Variants in GRIN2B observed in about 807,000 individuals in gnomAD.
The protein encoded by GRIN2B is glutamate receptor ionotropic, NMDA 2B.
In GRIN2B, 5 loss-of-function variants were observed where a neutral mutation model predicts 114.5. The observed-to-expected ratio is 0.04, with a 90% confidence interval of 0.02 to 0.09. GRIN2B has a LOEUF of 0.09. Ranked by LOEUF, GRIN2B falls within the 10% of genes least tolerant of loss-of-function variation. GRIN2B has a pLI of 1.00. For missense variants in GRIN2B, 1,108 were observed against 1,943.5 expected, an observed-to-expected ratio of 0.57 and a Z score of 8.08; for synonymous variants, 787 against 745.1, an observed-to-expected ratio of 1.06 and a Z score of -0.92.
intron 5 of GRIN2B, among the ~76,000 whole-genome samples, chr12:13,652,741 G>A (rs533232932): frequency 1.3e-5 from 2 of 152,218 alleles, no homozygotes; most frequent in African/African-American, 4.8e-5. Flanking sequence ...GAGAGTCAAA[G>A]GTCTGTCTCT....
In GRIN2B at chr12:13,588,737, G is replaced by A. The variant is rs752880581; in HGVS notation, c.2011-16773C>T. ...TAAAATAAAGAGCCTGTCACTGGAC[G>A]CTAAAGAGCAATATGTGGAATGGAT... On this transcript the variant is annotated intron_variant, in intron 10 of 13. Coordinates refer to ENST00000609686, the MANE Select transcript of GRIN2B (RefSeq NM_000834.5). Among the ~76,000 whole-genome samples the A allele has an allele frequency of 5.3e-5, 8 of 152,108 alleles. No individual in the cohort carries two copies. The East Asian group carries it at 5.8e-4, about 11-fold the overall frequency.
At chr12:13,856,804 A>C (rs1865668731) in intron 3 of GRIN2B, among the ~76,000 whole-genome samples, 1 of 152,002 alleles carries the variant, frequency 6.6e-6, no homozygotes, top group Non-Finnish European at 1.5e-5. Context: ...ATCCACTCTC[A>C]TGGTTTCAGC....
chr12:13,927,808 A>T (rs1030416414), intron 2 of GRIN2B, among the ~76,000 whole-genome samples: 1 of 145,996 alleles, frequency 6.8e-6, no homozygotes, highest in Non-Finnish European at 1.5e-5. Flanking sequence ...AATAAAAATT[A>T]AAAAAAAAAT....
Position 13,548,102 on chromosome 12 carries a change from A to G in GRIN2B, c.*14681T>C, listed in dbSNP as rs1948369065. ...AAATCAAAACCATCAGAGGAATTAC[A>G]TTCCACCCCTAGGCTCAGTGGGAAA... is the stretch of plus-strand genomic sequence containing the variant. On this transcript the variant is annotated 3_prime_UTR_variant, in exon 14 of 14. Transcript: ENST00000609686. The G allele has an allele frequency of 1.3e-5, 2 of 151,056 alleles. No individual in the cohort carries two copies. Among genetic ancestry groups the G allele is most frequent in the African/African-American group, 4.9e-5 (2 of 41,116 alleles). 9.4% of individuals were successfully genotyped at this position (151,056 alleles called of 1,614,324 possible).
At chr12:13,871,987 C>A (rs1419530976) in intron 2 of GRIN2B, among the ~76,000 whole-genome samples, 1 of 152,034 alleles carries the variant, frequency 6.6e-6, no homozygotes, top group African/African-American at 2.4e-5. Flanking sequence ...CCCAATCATC[C>A]CACCAGCCCA....
In GRIN2B at chr12:13,616,804, T is replaced by C. The variant is rs903562865; in HGVS notation, c.1126-147A>G. The C allele has an allele frequency of 8.4e-6, 6 of 712,252 alleles. No individual in the cohort carries two copies. In the East Asian group the frequency reaches 1.6e-4, roughly 19 times the overall value. The allele number at this position is 712,252 out of a possible 1,614,324, so 44.1% of individuals were successfully genotyped here. Reference sequence around the variant, plus strand: ...GTACATACTAGAGATAGGAATACTTTTTAAATCATGTGCCCCAAATGAGAC... The same window carrying C: ...GTACATACTAGAGATAGGAATACTTCTTAAATCATGTGCCCCAAATGAGAC... On this transcript the variant is annotated intron_variant, in intron 5 of 13. Coordinates refer to ENST00000609686, the MANE Select transcript of GRIN2B (RefSeq NM_000834.5).
chr12:13,676,631 G>T (rs1950077083), intron 4 of GRIN2B, among the ~76,000 whole-genome samples: 1 of 152,152 alleles, frequency 6.6e-6, no homozygotes, highest in Non-Finnish European at 1.5e-5. Flanking sequence ...GATAAGAAAT[G>T]AAAGTAGGAG....
intron 10 of GRIN2B, among the ~76,000 whole-genome samples, chr12:13,605,551 T>TCACACACACA: frequency 3.3e-5 from 1 of 30,444 alleles, no homozygotes; most frequent in Non-Finnish European, 7.3e-5. Context: ...TCTCTCTCTC[T>TCACACACACA]GACACACACA....
intron 2 of GRIN2B, among the ~76,000 whole-genome samples, chr12:13,869,289 A>G (rs530854486): frequency 2.4e-4 from 28 of 118,314 alleles, no homozygotes; most frequent in African/African-American, 9.5e-4. Context: ...TACAGATTCT[A>G]TCCTTCAGGA....
At chr12:13,945,809 A>G (rs926453868) in intron 2 of GRIN2B, among the ~76,000 whole-genome samples, 2 of 152,230 alleles carry the variant, frequency 1.3e-5, no homozygotes, top group Non-Finnish European at 2.9e-5. Context: ...CAGAGGCAAT[A>G]GAGTCTGATG....
At chr12:13,675,670 A>C in intron 5 of GRIN2B, 75 bp downstream of exon 5, 40 of 843,214 alleles carry the variant, frequency 4.7e-5, no homozygotes, top group Middle Eastern at 2.2e-4. Context: ...CCAAAGGACT[A>C]CTTTCCTTCA....
At chr12:13,737,088 C>T (rs1472805024) in intron 4 of GRIN2B, among the ~76,000 whole-genome samples, 1 of 151,408 alleles carries the variant, frequency 6.6e-6, no homozygotes, top group African/African-American at 2.4e-5. Flanking sequence ...TAATAAATTC[C>T]TTGTCAAGCC....
At chr12:13,797,939 TCTC>T (rs1347298531) in intron 3 of GRIN2B, among the ~76,000 whole-genome samples, 1 of 152,186 alleles carries the variant, frequency 6.6e-6, no homozygotes, top group Non-Finnish European at 1.5e-5. Context: ...CCATCACACA[TCTC>T]CTACCTATAA....
intron 10 of GRIN2B, among the ~76,000 whole-genome samples, chr12:13,603,324 A>T (rs1383652250): frequency 6.6e-6 from 1 of 152,172 alleles, no homozygotes; most frequent in Non-Finnish European, 1.5e-5. Flanking sequence ...TTAGGCTTTG[A>T]TTGATAAGGT....
In GRIN2B at chr12:13,745,503, C is replaced by T. The variant is rs139392563; in HGVS notation, c.1010+7814G>A. On this transcript the variant is annotated intron_variant, in intron 4 of 13. Transcript: ENST00000609686. ...CTGCCCTTCTGAGGACATGGCCAAG[C>T]AGTGGAGAGGTAGCATGCTCTAGCA... is the stretch of plus-strand genomic sequence containing the variant. 2.9e-4 allele frequency among the ~76,000 whole-genome samples: 44 copies of T among 152,316 alleles called. No individual in the cohort carries two copies. The East Asian group carries it at 7.5e-3, about 26-fold the overall frequency.
rs1327795109 is a variant in GRIN2B at position 13,600,213 on chromosome 12, C to T, written c.2010+8390G>A. 8.5e-5 allele frequency among the ~76,000 whole-genome samples: 13 copies of T among 152,066 alleles called. 1 individual carries two copies. The highest frequency in any genetic ancestry group is 1.6e-4 in the Non-Finnish European group (11 of 68,018). On this transcript the variant is annotated intron_variant, in intron 10 of 13. Transcript: ENST00000609686. ...ATTACCTCCCTCCCTCCCTTCCTTCCTTCCTCTTTCCCCTCATACTCTCTC... is the reference window on the plus strand; with the variant it reads ...ATTACCTCCCTCCCTCCCTTCCTTCTTTCCTCTTTCCCCTCATACTCTCTC...
At position 13,561,332 on chromosome 12, in the gene GRIN2B, G is replaced by A. The variant is rs916848284; in HGVS notation, c.*1451C>T. ...GAGCCAGGCCCAAAGAGGTGGTGGA[G>A]GGTCCCTCTCTGCCCCCGTCTCCCA... On this transcript the variant is annotated 3_prime_UTR_variant, in exon 14 of 14. Transcript: ENST00000609686. 1 of 152,164 alleles carries A rather than the reference G, an allele frequency of 6.6e-6. No individual in the cohort carries two copies. Among genetic ancestry groups the A allele is most frequent in the Non-Finnish European group, 1.5e-5 (1 of 68,066 alleles). The allele number at this position is 152,164 out of a possible 1,614,324, so 9.4% of individuals were successfully genotyped here. A position where few individuals can be genotyped will look rare whatever the true frequency, so the allele number is the denominator to read the frequency against.
intron 3 of GRIN2B, among the ~76,000 whole-genome samples, chr12:13,799,665 C>T (rs1279277958): frequency 6.6e-6 from 1 of 151,738 alleles, no homozygotes; most frequent in Non-Finnish European, 1.5e-5. Flanking sequence ...ATCCTCCGGG[C>T]AGCTGCAGTA....
chr12:13,913,905 C>G (rs975509344), intron 2 of GRIN2B, among the ~76,000 whole-genome samples: 4 of 152,148 alleles, frequency 2.6e-5, no homozygotes, highest in African/African-American at 9.7e-5. Context: ...CATAGAGTAG[C>G]TGAGAGGATT....
Sources: allele counts gnomAD v4.1 joint callset (sites outside exome capture counted in the v4.1 genomes callset), GRCh38; gene constraint gnomAD v4.1.1; transcripts MANE v1.5; gene names NCBI Gene and HGNC (gene_info 2026-07-23, HGNC 2026-07-21).